CSMD1: variants seen among roughly 807,000 people sequenced by gnomAD.
The protein encoded by CSMD1 is CUB and Sushi multiple domains 1, also known as CUB and sushi domain-containing protein 1.
Under a neutral mutation model 417.5 loss-of-function variants are expected in CSMD1, and 213 were observed. That is an observed-to-expected ratio of 0.51 (90% CI 0.46 to 0.57). The LOEUF is 0.57. CSMD1 is among the 20% of genes least tolerant of loss of function. CSMD1 has a pLI of 0.00. For synonymous variants in CSMD1, 2,862 were observed against 1,736.8 expected (o/e 1.65, Z -16.11); for missense variants, 6,923 against 4,529.7 (o/e 1.53, Z -15.17).
chr8:4,744,948 T>C (rs1286620133), intron 1 of CSMD1, among the ~76,000 whole-genome samples: 3 of 152,182 alleles, frequency 2.0e-5, no homozygotes, highest in African/African-American at 7.2e-5. Flanking sequence ...AAAATAGTTC[T>C]TCAACTATTT....
chr8:4,176,458 T>G (rs1013682570), intron 3 of CSMD1, among the ~76,000 whole-genome samples: 1 of 152,138 alleles, frequency 6.6e-6, no homozygotes, highest in East Asian at 1.9e-4. Context: ...TTTTGATTAT[T>G]TTCTCATCCT....
intron 3 of CSMD1, among the ~76,000 whole-genome samples, chr8:4,199,375 G>A (rs541425629): frequency 2.3e-4 from 35 of 152,280 alleles, no homozygotes; most frequent in African/African-American, 8.4e-4. Flanking sequence ...TAATAAAGAT[G>A]CATAGTGTGG....
chr8:4,162,654 TA>T (rs1410047503), intron 3 of CSMD1, among the ~76,000 whole-genome samples: 1 of 152,224 alleles, frequency 6.6e-6, no homozygotes, highest in Non-Finnish European at 1.5e-5. Flanking sequence ...ATATGTCATG[TA>T]ACACCTGCTC....
chr8:3,815,511 G>C (rs139561590), intron 5 of CSMD1, among the ~76,000 whole-genome samples: 2 of 151,150 alleles, frequency 1.3e-5, no homozygotes, highest in Non-Finnish European at 1.5e-5. Context: ...GTAAGACTAT[G>C]TTTAAACAAG....
At chr8:3,179,558 G>A (rs1278821260) in intron 37 of CSMD1, among the ~76,000 whole-genome samples, 2 of 152,160 alleles carry the variant, frequency 1.3e-5, no homozygotes, top group African/African-American at 4.8e-5. Flanking sequence ...GCCCAGGTAA[G>A]TGCATATCTC....
At chr8:3,906,937 G>A (rs4288401) in intron 5 of CSMD1, among the ~76,000 whole-genome samples, 7 of 152,152 alleles carry the variant, frequency 4.6e-5, no homozygotes, top group East Asian at 3.9e-4. Flanking sequence ...TTACCCATCA[G>A]AGTACTGCTG....
chr8:3,796,946 G>A (rs1800187426), intron 5 of CSMD1, among the ~76,000 whole-genome samples: 1 of 151,664 alleles, frequency 6.6e-6, no homozygotes, highest in Non-Finnish European at 1.5e-5. Context: ...AATATGTAAT[G>A]AAGATGAAGT....
intron 3 of CSMD1, among the ~76,000 whole-genome samples, chr8:4,393,416 G>A (rs1280119178): frequency 2.0e-5 from 3 of 152,088 alleles, no homozygotes; most frequent in African/African-American, 4.8e-5. Context: ...CATTTAATAG[G>A]GAAAATACAT....
rs563936254 is a variant in CSMD1 at position 4,594,566 on chromosome 8, G to GT, written c.302+42775dup. ...TGGGATTTAGGAATTTGATGTGTGCGTTTTTTTGGAGGGGGGCACAACTTA... is the reference window on the plus strand; with the variant it reads ...TGGGATTTAGGAATTTGATGTGTGCGTTTTTTTTGGAGGGGGGCACAACTTA... On this transcript the variant is annotated intron_variant, in intron 2 of 69. Coordinates refer to ENST00000635120, the MANE Select transcript of CSMD1 (RefSeq NM_033225.6). Among the ~76,000 whole-genome samples, 15 of 152,028 alleles carry GT rather than the reference G, an allele frequency of 9.9e-5. No individual in the cohort carries two copies. The South Asian group carries it at 1.3e-3, about 13-fold the overall frequency.
chr8:3,945,412 G>A (rs1009128540), intron 5 of CSMD1, among the ~76,000 whole-genome samples: 9 of 151,922 alleles, frequency 5.9e-5, no homozygotes, highest in African/African-American at 2.2e-4. Flanking sequence ...ACTTTTTTGG[G>A]GGGGCATATT....
At chr8:4,835,298 G>A (rs909442502) in intron 1 of CSMD1, among the ~76,000 whole-genome samples, 2 of 152,162 alleles carry the variant, frequency 1.3e-5, no homozygotes, top group African/African-American at 4.8e-5. Flanking sequence ...CGGAGATTAC[G>A]TTTGAAAAGA....
chr8:3,825,127 G>C (rs1263001324), intron 5 of CSMD1, among the ~76,000 whole-genome samples: 2 of 152,124 alleles, frequency 1.3e-5, no homozygotes, highest in Admixed American at 6.5e-5. Context: ...GATTTGAAAG[G>C]AAGCACAGGG....
chr8:4,190,301 T>A (rs916070165), intron 3 of CSMD1, among the ~76,000 whole-genome samples: 4 of 151,122 alleles, frequency 2.6e-5, no homozygotes, highest in African/African-American at 9.7e-5. Context: ...CTGGTCTAGT[T>A]TTACTTACAT....
intron 6 of CSMD1, among the ~76,000 whole-genome samples, chr8:3,745,156 T>C (rs1470755805): frequency 6.6e-6 from 1 of 152,228 alleles, no homozygotes; most frequent in East Asian, 1.9e-4. Context: ...AATTTCAAAA[T>C]ATCTATGAAA....
intron 7 of CSMD1, among the ~76,000 whole-genome samples, chr8:3,689,492 A>C (rs1800121517): frequency 6.6e-6 from 1 of 152,192 alleles, no homozygotes; most frequent in Non-Finnish European, 1.5e-5. Context: ...TAGTGTTTTT[A>C]TTCTCACTCT....
intron 60 of CSMD1, 24 bp from the exon 61 acceptor site, chr8:2,962,663 G>A (rs770951042): frequency 1.9e-6 from 3 of 1,608,880 alleles, no homozygotes; most frequent in Non-Finnish European, 2.5e-6. Context: ...CCAGGAAGAA[G>A]TCAGCCTTCA....
At chr8:4,735,625 G>T (rs1175471809) in intron 1 of CSMD1, among the ~76,000 whole-genome samples, 1 of 152,146 alleles carries the variant, frequency 6.6e-6, no homozygotes, top group African/African-American at 2.4e-5. Context: ...TAGCAATGAT[G>T]ATGAGAAGAC....
At chr8:4,813,410 G>C (rs1366065660) in intron 1 of CSMD1, among the ~76,000 whole-genome samples, 2 of 152,044 alleles carry the variant, frequency 1.3e-5, no homozygotes, top group African/African-American at 4.8e-5. Flanking sequence ...TAATTTTATG[G>C]AACTCAGCCT....
At chr8:3,233,366 A>T (rs1398146252) in intron 26 of CSMD1, among the ~76,000 whole-genome samples, 1 of 152,110 alleles carries the variant, frequency 6.6e-6, no homozygotes, top group Non-Finnish European at 1.5e-5. Context: ...ACACGTTAGG[A>T]CTCCAGAATC....
Sources: gnomAD v4.1 joint callset for allele counts (sites outside exome capture counted in the v4.1 genomes callset) on GRCh38, gnomAD v4.1.1 for gene constraint, MANE v1.5 for transcripts, NCBI Gene and HGNC (gene_info 2026-07-23, HGNC 2026-07-21) for gene names.